TNNI3: variants seen among roughly 807,000 people sequenced by gnomAD.
TNNI3 encodes the protein troponin I, cardiac muscle.
Under a neutral mutation model 31.5 loss-of-function variants are expected in TNNI3, and 23 were observed. The observed-to-expected ratio is 0.73, with a 90% CI of 0.52 to 1.03. The LOEUF (loss-of-function observed/expected upper bound fraction) is 1.03, where lower values mean the gene tolerates loss of function less well. Among genes scored for constraint, TNNI3 ranks in the 50% least tolerant of loss-of-function variants. TNNI3 has a pLI of 0.00. For missense variants in TNNI3, 236 were observed against 282.9 expected (o/e 0.83, Z 1.19); for synonymous variants, 120 against 111.7 (o/e 1.07, Z -0.47).
rs200856011 is a variant in TNNI3 at position 55,157,183 on chromosome 19, C to G, written c.25-50G>C. On this transcript the variant is annotated intron_variant, in intron 2 of 7. Transcript: ENST00000344887. The surrounding 1 kb of genome is among the most constrained non-coding windows in gnomAD (Gnocchi z 6.3). ...CATCACCACCAAGACCCCACCCAGC[C>G]CTTACCGTACCGCACCCTCTGCTAG... 6 of 1,589,360 alleles carry G rather than the reference C, an allele frequency of 3.8e-6. No individual in the cohort carries two copies. In the East Asian group the frequency reaches 9.1e-5, roughly 24 times the overall value.
chr19:55,153,669 C>T (rs1286759887), intron 7 of TNNI3, among the ~76,000 whole-genome samples: 2 of 13,600 alleles, frequency 1.5e-4, no homozygotes, highest in African/African-American at 4.3e-4. Flanking sequence ...GATGGTGTCA[C>T]TGCACTCCAG....
rs543419769 is a variant in TNNI3 at position 55,154,603 on chromosome 19, C to A, written c.372+138G>T. Reference sequence around the variant, plus strand: ...GACTATATTGTACTCATCCTTCTGCCCCAGCCCTGCCAGGCTCACAGTTGT... The same window carrying A: ...GACTATATTGTACTCATCCTTCTGCACCAGCCCTGCCAGGCTCACAGTTGT... On this transcript the variant is annotated intron_variant, in intron 6 of 7. Coordinates refer to ENST00000344887, the MANE Select transcript of TNNI3 (RefSeq NM_000363.5). The A allele has an allele frequency of 2.7e-4, 213 of 783,316 alleles. 2 individuals carry two copies. Among genetic ancestry groups the A allele is most frequent in the Non-Finnish European group, 4.4e-4 (196 of 446,480 alleles). 48.5% of individuals were successfully genotyped at this position (783,316 alleles called of 1,614,324 possible).
rs2085729878 is a variant in TNNI3 at position 55,156,348 on chromosome 19, A to G, written c.151-16T>C. The G allele has an allele frequency of 6.2e-7, 1 of 1,604,290 alleles. No individual in the cohort carries two copies. Among genetic ancestry groups the G allele is most frequent in the African/African-American group, 1.3e-5 (1 of 74,886 alleles). On this transcript the variant is annotated splice_polypyrimidine_tract_variant and intron_variant, in intron 4 of 7. Coordinates refer to ENST00000344887, the MANE Select transcript of TNNI3 (RefSeq NM_000363.5). This position sits in a 1 kb window ranked among gnomAD's most constrained non-coding sequence, Gnocchi z 4.6. Reference sequence around the variant, plus strand: ...GCAGCAGAGTCTGCAGAGGGGTGGGAGGGAAGCGCAGCCCACCCGGGGCTT... The same window carrying G: ...GCAGCAGAGTCTGCAGAGGGGTGGGGGGGAAGCGCAGCCCACCCGGGGCTT...
At position 55,156,606 on chromosome 19, in the gene TNNI3, C is replaced by T. The variant is rs1299527458; in HGVS notation, c.147G>A (p.Leu49=). The change falls in exon 4 of 8, where the codon CTG becomes CTA. Residue 49 remains leucine, a synonymous_variant. Transcript: ENST00000344887. This position sits in a 1 kb window ranked among gnomAD's most constrained non-coding sequence, Gnocchi z 4.6. ...SKISASRKLQ[L]KTLLLQIAKQ... is the part of the protein sequence containing the mutation. ...TCCCAGTCCCGCCCGTCCTCACCTT[C>T]AGCTGCAATTTTCTCGAGGCGGAGA... The T allele has an allele frequency of 6.4e-7, 1 of 1,563,994 alleles. No individual in the cohort carries two copies. The highest frequency in any genetic ancestry group is 8.7e-7 in the Non-Finnish European group (1 of 1,152,570).
rs2085727417 is a variant in TNNI3 at position 55,156,127 on chromosome 19, C to T, written c.282+74G>A. ...ACAGCCATATTGGACGCCTGGGTCC[C>T]GAGCAGAAGAGGGGATAGAGGCTGT... On this transcript the variant is annotated intron_variant, in intron 5 of 7. Coordinates refer to ENST00000344887, the MANE Select transcript of TNNI3 (RefSeq NM_000363.5). The surrounding 1 kb of genome is among the most constrained non-coding windows in gnomAD (Gnocchi z 4.6). The T allele has an allele frequency of 6.2e-7, 1 of 1,610,456 alleles. No homozygotes were observed. Among genetic ancestry groups the T allele is most frequent in the South Asian group, 1.1e-5 (1 of 90,842 alleles).
chr19:55,157,069 G>A lies in TNNI3; in HGVS notation c.89C>T (p.Ala30Val), dbSNP rs867738263. 1 of 1,598,214 alleles carries A rather than the reference G, an allele frequency of 6.3e-7. No homozygotes were observed. Among genetic ancestry groups the A allele is most frequent in the Non-Finnish European group, 8.5e-7 (1 of 1,174,710 alleles). Reference sequence around the variant, plus strand: ...TCCCACCTTGGCGTGCGGCTCCGTGGCATAAGCGCGGTAGTTGGAGGAGCG... The same window carrying A: ...TCCCACCTTGGCGTGCGGCTCCGTGACATAAGCGCGGTAGTTGGAGGAGCG... ...RRRSSNYRAY[A>V]TEPHAKKKSK... Residue 30 changes from alanine (A) to valine (V), a missense_variant, in exon 3 of 8, where the codon GCC (alanine) becomes GTC (valine). Around this residue, in one of 4 missense-constraint regions of TNNI3, gnomAD observed 172 missense variants for 171.8 expected, o/e 1.00. Coordinates refer to ENST00000344887, the MANE Select transcript of TNNI3 (RefSeq NM_000363.5). The surrounding 1 kb of genome is among the most constrained non-coding windows in gnomAD (Gnocchi z 6.3).
Position 55,156,315 on chromosome 19 carries a change from A to C in TNNI3, c.168T>G (p.Ile56Met), listed in dbSNP as rs727503509. The change falls in exon 5 of 8, where the codon ATT becomes ATG. Residue 56 changes from isoleucine to methionine, a missense_variant. Transcript: ENST00000344887. This position sits in a 1 kb window ranked among gnomAD's most constrained non-coding sequence, Gnocchi z 4.6. ...CCTCTCGCTCCAGCTCTTGCTTTGC[A>C]ATCTGCAGCAGCAGAGTCTGCAGAG... ...KLQLKTLLLQ[I>M]AKQELEREAE... 5 of 1,609,708 alleles carry C rather than the reference A, an allele frequency of 3.1e-6. No individual in the cohort carries two copies. In the Admixed American group the frequency reaches 8.4e-5, roughly 27 times the overall value.
At chr19:55,154,429 T>C (rs2085714464) in intron 6 of TNNI3, 1 of 629,478 alleles carries the variant, frequency 1.6e-6, no homozygotes, top group Non-Finnish European at 2.8e-6. Flanking sequence ...CATAACCTGG[T>C]CCAGCTACAT....
Position 55,151,876 on chromosome 19 carries a change from T to C in TNNI3, c.591A>G (p.Ala197=), listed in dbSNP as rs748738767. The change falls in exon 8 of 8, where the codon GCA becomes GCG. Residue 197 remains alanine (A), a synonymous_variant. Transcript: ENST00000344887. ...TCTTGCGGCCCTCCATTCCACTCAGTGCATCGATGTTCTTGCGCCAGTCTC... is the reference window on the plus strand; with the variant it reads ...TCTTGCGGCCCTCCATTCCACTCAGCGCATCGATGTTCTTGCGCCAGTCTC... ...EVGDWRKNID[A]LSGMEGRKKK... 6.2e-7 allele frequency: 1 copy of C among 1,614,128 alleles called. No individual in the cohort carries two copies. The highest frequency in any genetic ancestry group is 8.5e-7 in the Non-Finnish European group (1 of 1,179,990).
At position 55,151,905 on chromosome 19, in the gene TNNI3, C is replaced by T. The variant is rs193922409; in HGVS notation, c.562G>A (p.Val188Met). 1 of 1,614,130 alleles carries T rather than the reference C, an allele frequency of 6.2e-7. No homozygotes were observed. Among genetic ancestry groups the T allele is most frequent in the South Asian group, 1.1e-5 (1 of 91,084 alleles). ...KEDTEKENRE[V>M]GDWRKNIDAL... ...TCGATGTTCTTGCGCCAGTCTCCCA[C>T]CTCCCGGTTTTCCTGGAGGATGGCG... Residue 188 changes from valine to methionine, a missense_variant, in exon 8 of 8, where the codon GTG becomes ATG. Around this residue, in one of 4 missense-constraint regions of TNNI3, gnomAD observed 28 missense variants for 36.2 expected, o/e 0.77. Coordinates refer to ENST00000344887, the MANE Select transcript of TNNI3 (RefSeq NM_000363.5).
chr19:55,156,885 C>T lies in TNNI3; in HGVS notation c.108+165G>A. 2 of 930,324 alleles carry T rather than the reference C, an allele frequency of 2.1e-6. No individual in the cohort carries two copies. Among genetic ancestry groups the T allele is most frequent in the South Asian group, 2.8e-5 (2 of 70,476 alleles). 57.6% of individuals were successfully genotyped at this position (930,324 alleles called of 1,614,324 possible). A position where few individuals can be genotyped will look rare whatever the true frequency, so the allele number is the denominator to read the frequency against. ...AGTCCGAGGGCAACGGAGTTCCGCC[C>T]GCAGGCTGCTGTCACCAATCCGAGC... is the stretch of plus-strand genomic sequence containing the variant. On this transcript the variant is annotated intron_variant, in intron 3 of 7. Transcript: ENST00000344887. The surrounding 1 kb of genome is among the most constrained non-coding windows in gnomAD (Gnocchi z 4.6).
chr19:55,155,102 G>A (rs1463851624), intron 5 of TNNI3, among the ~76,000 whole-genome samples: 1 of 121,898 alleles, frequency 8.2e-6, no homozygotes, highest in South Asian at 3.0e-4. Context: ...GGAGGGGCTG[G>A]GGACTGGACT....
intron 6 of TNNI3, 32 bp downstream of exon 6, chr19:55,154,709 C>G (rs2085715786): frequency 6.2e-7 from 1 of 1,603,918 alleles, no homozygotes; most frequent in East Asian, 2.2e-5. Flanking sequence ...TCACCCTACC[C>G]CGAAGGTACC....
chr19:55,156,376 G>A lies in TNNI3; in HGVS notation c.151-44C>T, dbSNP rs1260759001. On this transcript the variant is annotated intron_variant, in intron 4 of 7. Transcript: ENST00000344887. The surrounding 1 kb of genome is among the most constrained non-coding windows in gnomAD (Gnocchi z 4.6). ...GAAGCGCAGCCCACCCGGGGCTTCAGGATAAAGACCAGGCGTGGGGAACCG... is the reference window on the plus strand; with the variant it reads ...GAAGCGCAGCCCACCCGGGGCTTCAAGATAAAGACCAGGCGTGGGGAACCG... 6.3e-7 allele frequency: 1 copy of A among 1,591,414 alleles called. No individual in the cohort carries two copies. The highest frequency in any genetic ancestry group is 1.3e-5 in the African/African-American group (1 of 74,686).
rs765207816 is a variant in TNNI3 at position 55,154,038 on chromosome 19, T to C, written c.541A>G (p.Thr181Ala). ...AHLKQVKKEDTEKENREVGDW... is the reference protein window; with the variant it reads ...AHLKQVKKEDAEKENREVGDW... ...CCTTAGCCCACACTCACCTTCTCGG[T>C]GTCCTCCTTCTTCACCTGCTTGAGG... Residue 181 changes from threonine (T) to alanine (A), a missense_variant, in exon 7 of 8, where the codon ACC (threonine) becomes GCC (alanine). Physicochemically the swap from Thr to Ala is moderately conservative, Grantham distance 58. Transcript: ENST00000344887. The C allele has an allele frequency of 1.2e-6, 2 of 1,611,950 alleles. No individual in the cohort carries two copies. The highest frequency in any genetic ancestry group is 4.5e-5 in the East Asian group (2 of 44,852).
chr19:55,156,998 G>A lies in TNNI3; in HGVS notation c.108+52C>T. The A allele has an allele frequency of 1.3e-6, 2 of 1,537,688 alleles. No individual in the cohort carries two copies. Among genetic ancestry groups the A allele is most frequent in the Non-Finnish European group, 1.8e-6 (2 of 1,141,504 alleles). On this transcript the variant is annotated intron_variant, in intron 3 of 7. Transcript: ENST00000344887. This position sits in a 1 kb window ranked among gnomAD's most constrained non-coding sequence, Gnocchi z 4.6. ...CCTGGCTCCTCCCCCCACTCCCAGG[G>A]TCTTGGATCCCTCCGGCGCCTGTAC...
intron 7 of TNNI3, 29 bp downstream of exon 7, chr19:55,154,001 C>A: frequency 1.2e-6 from 2 of 1,610,496 alleles, no homozygotes; most frequent in South Asian, 2.2e-5. Flanking sequence ...CCCTCAGCAT[C>A]CTCTTTCCTG....
Position 55,156,016 on chromosome 19 carries a change from G to A in TNNI3, c.282+185C>T, listed in dbSNP as rs935612527. 6.6e-6 allele frequency among the ~76,000 whole-genome samples: 1 copy of A among 152,052 alleles called. No homozygotes were observed. The highest frequency in any genetic ancestry group is 2.4e-5 in the African/African-American group (1 of 41,366). On this transcript the variant is annotated intron_variant, in intron 5 of 7. Coordinates refer to ENST00000344887, the MANE Select transcript of TNNI3 (RefSeq NM_000363.5). The surrounding 1 kb of genome is among the most constrained non-coding windows in gnomAD (Gnocchi z 4.6). ...AGGAGGGCCACATGGTCCTGAAGGA[G>A]TAGGTTGGAGCCAAGACTCCACAGA...
chr19:55,154,970 G>C lies in TNNI3; in HGVS notation c.283-140C>G, dbSNP rs1041875433. ...AAGGGGCTGGGGGCCTGGACTCCTG[G>C]GTCTGAGGGAGGAGTTGGGGGCCTG... On this transcript the variant is annotated intron_variant, in intron 5 of 7. Coordinates refer to ENST00000344887, the MANE Select transcript of TNNI3 (RefSeq NM_000363.5). 23 of 734,448 alleles carry C rather than the reference G, an allele frequency of 3.1e-5. No homozygotes were observed. In the African/African-American group the frequency reaches 3.6e-4, roughly 11 times the overall value. The allele number at this position is 734,448 out of a possible 1,614,324, so 45.5% of individuals were successfully genotyped here. A position where few individuals can be genotyped will look rare whatever the true frequency, so the allele number is the denominator to read the frequency against.
Sources: gnomAD v4.1 joint callset for allele counts (sites outside exome capture counted in the v4.1 genomes callset) on GRCh38, gnomAD v4.1.1 for gene constraint, gnomAD v4.1.1 regional missense constraint, Gnocchi (gnomAD v3.1) non-coding constraint, MANE v1.5 for transcripts, NCBI Gene and HGNC (gene_info 2026-07-23, HGNC 2026-07-21) for gene names.